DOCK4: variants seen among roughly 807,000 people sequenced by gnomAD.
The protein encoded by DOCK4 is dedicator of cytokinesis 4, also known as dedicator of cytokinesis protein 4.
Under a neutral mutation model 268.1 loss-of-function variants are expected in DOCK4, and 97 were observed. The observed-to-expected ratio is 0.36, with a 90% CI of 0.31 to 0.43. The LOEUF (loss-of-function observed/expected upper bound fraction) is 0.43. Ranked by LOEUF, DOCK4 falls within the 20% of genes least tolerant of loss-of-function variation. The probability of loss-of-function intolerance (pLI) is 1.00; values close to 1 mark genes in which losing one functional copy is unlikely to be tolerated. For synonymous variants in DOCK4, 954 were observed against 887.2 expected, an observed-to-expected ratio of 1.08 and a Z score of -1.34; for missense variants, 2,145 against 2,455.7, an observed-to-expected ratio of 0.87 and a Z score of 2.67.
At chr7:111,973,180 T>TATATATATATATATATATAC (rs1330800991) in intron 8 of DOCK4, among the ~76,000 whole-genome samples, 44 of 145,418 alleles carry the variant, frequency 3.0e-4, no homozygotes, top group African/African-American at 1.0e-3. Flanking sequence ...TATATATATA[T>TATATATATATATATATATAC]ATATATAATA....
At chr7:112,057,557 TAA>T (rs59998263) in intron 1 of DOCK4, among the ~76,000 whole-genome samples, 9 of 122,540 alleles carry the variant, frequency 7.3e-5, no homozygotes, top group African/African-American at 1.1e-4. Flanking sequence ...TCCCAAAAAA[TAA>T]AAAAAAAAAA....
At position 111,916,980 on chromosome 7, in the gene DOCK4, G is replaced by GTTTTT. The variant is rs749349556; in HGVS notation, c.1067-1081_1067-1077dup. ...ACCCACCTCCCACCCTTTCCCCCAT[G>GTTTTT]TTTTTTTTTTTTTTTTTTTTTTTTT... On this transcript the variant is annotated intron_variant, in intron 12 of 52. Coordinates refer to ENST00000428084, the MANE Select transcript of DOCK4 (RefSeq NM_001363540.2). Among the ~76,000 whole-genome samples the GTTTTT allele has an allele frequency of 1.5e-4, 13 of 83,976 alleles. 1 individual carries two copies. Among genetic ancestry groups the GTTTTT allele is most frequent in the South Asian group, 8.2e-4 (2 of 2,426 alleles). The allele number at this position is 83,976 out of a possible 152,430, so 55.1% of individuals were successfully genotyped here. A position where few individuals can be genotyped will look rare whatever the true frequency, so the allele number is the denominator to read the frequency against.
intron 37 of DOCK4, among the ~76,000 whole-genome samples, chr7:111,767,654 A>C (rs1301521798): frequency 6.6e-6 from 1 of 152,198 alleles, no homozygotes; most frequent in Non-Finnish European, 1.5e-5. Flanking sequence ...AATATATTGT[A>C]CATGAACTAT....
chr7:111,804,092 G>A (rs60851382), intron 30 of DOCK4, among the ~76,000 whole-genome samples: 10,545 of 152,192 alleles, frequency 0.069, 1,229 homozygotes, highest in African/African-American at 0.24. Flanking sequence ...TTCTGGCTAT[G>A]TACCCAAAAG....
chr7:112,056,441 A>G (rs1446135636), intron 1 of DOCK4, among the ~76,000 whole-genome samples: 1 of 152,196 alleles, frequency 6.6e-6, no homozygotes, highest in East Asian at 1.9e-4. Flanking sequence ...AAACTATATT[A>G]AAAATGTGTA....
chr7:112,017,916 G>C (rs928833559), intron 1 of DOCK4, among the ~76,000 whole-genome samples: 10 of 151,906 alleles, frequency 6.6e-5, no homozygotes, highest in Non-Finnish European at 1.5e-4. Flanking sequence ...TCTACATATG[G>C]TACTTGTAAA....
At chr7:111,959,858 C>A (rs1796726580) in intron 8 of DOCK4, among the ~76,000 whole-genome samples, 1 of 152,126 alleles carries the variant, frequency 6.6e-6, no homozygotes, top group African/African-American at 2.4e-5. Flanking sequence ...TCCAAACTTA[C>A]CACCTGCTTC....
rs111617117 is a variant in DOCK4, at chr7:112,038,009, C to T, written c.38-33878G>A. Among the ~76,000 whole-genome samples the T allele has an allele frequency of 3.2e-3, 494 of 152,238 alleles. 3 individuals carry two copies. The highest frequency in any genetic ancestry group is 0.011 in the African/African-American group (470 of 41,544). On this transcript the variant is annotated intron_variant, in intron 1 of 52. Transcript: ENST00000428084. ...AATTAATCAGAAGTCAAAAGGTTAT[C>T]CAGTTTCATTTTATTAAATGTAAAG...
At chr7:111,970,743 G>A (rs996887087) in intron 8 of DOCK4, among the ~76,000 whole-genome samples, 5 of 152,188 alleles carry the variant, frequency 3.3e-5, no homozygotes, top group Non-Finnish European at 5.9e-5. Context: ...GTGCCTTCAG[G>A]AGACGCTGGG....
intron 11 of DOCK4, among the ~76,000 whole-genome samples, chr7:111,936,782 G>A (rs1314924959): frequency 6.6e-6 from 1 of 152,168 alleles, no homozygotes; most frequent in Non-Finnish European, 1.5e-5. Flanking sequence ...TCAAGTCTGA[G>A]GCAGATAATT....
intron 1 of DOCK4, among the ~76,000 whole-genome samples, chr7:112,076,405 C>A (rs1206014673): frequency 1.3e-5 from 2 of 151,918 alleles, no homozygotes; most frequent in African/African-American, 4.8e-5. Flanking sequence ...TTTTGGAACC[C>A]ATTTTCATAT....
chr7:111,962,279 G>C (rs1668353911), intron 8 of DOCK4, among the ~76,000 whole-genome samples: 1 of 152,124 alleles, frequency 6.6e-6, no homozygotes, highest in Non-Finnish European at 1.5e-5. Context: ...TTCTGGTTAG[G>C]TTAGGTGTAT....
At chr7:112,140,587 TCTC>T (rs770740457) in intron 1 of DOCK4, among the ~76,000 whole-genome samples, 1 of 141,820 alleles carries the variant, frequency 7.1e-6, no homozygotes, top group African/African-American at 2.6e-5. Context: ...TTTATTCAGA[TCTC>T]CTGCTCCCCG....
At chr7:111,987,745 G>C (rs1289518721) in intron 6 of DOCK4, among the ~76,000 whole-genome samples, 1 of 152,208 alleles carries the variant, frequency 6.6e-6, no homozygotes, top group Non-Finnish European at 1.5e-5. Flanking sequence ...CATGAAGAGG[G>C]TTAAGGAATT....
Position 111,868,094 on chromosome 7 carries a change from C to G in DOCK4, c.2170G>C (p.Gly724Arg). ...QSRRLFSLAT[G>R]GQNEEEFRCC... ...CGGAACTCCTCTTCGTTTTGCCCAC[C>G]AGTGGCAAGGGAAAACAGCCTTCGA... Residue 724 changes from glycine to arginine, a missense_variant, in exon 22 of 53, where the codon GGT becomes CGT. Gly to Arg is a moderately radical substitution (Grantham distance 125). Around this residue, in one of 2 missense-constraint regions of DOCK4, gnomAD observed 1,598 missense variants for 1,986.7 expected, o/e 0.80. Transcript: ENST00000428084. 4.3e-6 allele frequency: 7 copies of G among 1,613,368 alleles called. No individual in the cohort carries two copies. Among genetic ancestry groups the G allele is most frequent in the Non-Finnish European group, 5.9e-6 (7 of 1,179,600 alleles).
chr7:112,018,521 C>G (rs537600872), intron 1 of DOCK4, among the ~76,000 whole-genome samples: 96 of 152,272 alleles, frequency 6.3e-4, no homozygotes, highest in African/African-American at 2.2e-3. Flanking sequence ...TCTGCTCTTC[C>G]AATTTTATAA....
chr7:111,833,270 G>C (rs2134019690), intron 26 of DOCK4, among the ~76,000 whole-genome samples: 1 of 152,250 alleles, frequency 6.6e-6, no homozygotes. Context: ...GGCCAGGCAT[G>C]GTGGCTCATG....
At chr7:112,057,655 G>C (rs1265593570) in intron 1 of DOCK4, among the ~76,000 whole-genome samples, 1 of 151,858 alleles carries the variant, frequency 6.6e-6, no homozygotes, top group East Asian at 1.9e-4. Flanking sequence ...TGTGCCTGTA[G>C]TCCTAGTTAC....
chr7:112,135,123 GT>G (rs1814204319), intron 1 of DOCK4, among the ~76,000 whole-genome samples: 2 of 151,998 alleles, frequency 1.3e-5, no homozygotes, highest in African/African-American at 4.8e-5. Context: ...GGCATAATTT[GT>G]TTTAACTGAG....
Sources: gnomAD v4.1 joint callset for allele counts (sites outside exome capture counted in the v4.1 genomes callset) on GRCh38, gnomAD v4.1.1 for gene constraint, gnomAD v4.1.1 regional missense constraint, MANE v1.5 for transcripts, NCBI Gene and HGNC (gene_info 2026-07-23, HGNC 2026-07-21) for gene names.